ZSCAN4: variants seen among roughly 807,000 people sequenced by gnomAD.
ZSCAN4 encodes zinc finger and SCAN domain containing 4.
ZSCAN4 carries 18 observed loss-of-function variants against 18.3 expected under a neutral mutation model. The ratio of observed to expected loss-of-function variants is 0.98; its 90% CI spans 0.68 to 1.46. The LOEUF (loss-of-function observed/expected upper bound fraction) is 1.46. ZSCAN4 is among the 40% of genes most tolerant of loss of function. ZSCAN4 has a pLI of 0.00. For synonymous variants in ZSCAN4, 193 were observed against 180.3 expected, an observed-to-expected ratio of 1.07 and a Z score of -0.57; for missense variants, 498 against 511.4, an observed-to-expected ratio of 0.97 and a Z score of 0.25.
Position 57,676,540 on chromosome 19 carries a change from T to G in ZSCAN4, c.395T>G (p.Leu132Ter). ...GATGACAGCATAAATCCACCTGCCT[T>G]AGTGAGTACAGGGTTCTAACTTCTG... Residue 132 changes from leucine to a stop codon, truncating the protein, a stop_gained and splice_region_variant, in exon 3 of 5, where the codon TTA (leucine) becomes TGA (stop). Coordinates refer to ENST00000318203, the Ensembl canonical transcript of ZSCAN4. LOFTEE classifies it high-confidence loss of function. 1 of 1,611,658 alleles carries G rather than the reference T, an allele frequency of 6.2e-7. No individual in the cohort carries two copies.
chr19:57,658,136 C>T, the ZSCAN4 span, among the ~76,000 whole-genome samples: 1 of 152,084 alleles, frequency 6.6e-6, no homozygotes, highest in South Asian at 2.1e-4. Context: ...AACTGTGTTA[C>T]ATTTATAAAT....
intron 1 of ZSCAN4, among the ~76,000 whole-genome samples, chr19:57,669,615 T>TG (rs371847636): frequency 6.7e-6 from 1 of 150,186 alleles, no homozygotes; most frequent in Non-Finnish European, 1.5e-5. Context: ...TTAGTAGAGA[T>TG]GGGGTTTCAC....
intron 2 of ZSCAN4, among the ~76,000 whole-genome samples, chr19:57,670,795 C>G (rs1440408911): frequency 4.6e-5 from 7 of 151,824 alleles, no homozygotes; most frequent in Non-Finnish European, 5.9e-5. Context: ...GTTGTGAACT[C>G]TGTATAAAGG....
At position 57,673,321 on chromosome 19, in the gene ZSCAN4, C is replaced by T. The variant is rs1002844360; in HGVS notation, c.-105-2720C>T. Among the ~76,000 whole-genome samples, 10 of 151,942 alleles carry T rather than the reference C, an allele frequency of 6.6e-5. 1 individual carries two copies. On this transcript the variant is annotated intron_variant, in intron 2 of 4. Transcript: ENST00000318203. ...GGATTACAGGCGCGAGTCACCGTGC[C>T]CGGCCACATATTTATTTTATAAATG...
upstream of ZSCAN4, among the ~76,000 whole-genome samples, chr19:57,666,670 G>T (rs912083613): frequency 2.6e-5 from 4 of 151,438 alleles, no homozygotes; most frequent in African/African-American, 9.7e-5. Flanking sequence ...GATCACCTGA[G>T]ATCAGGAGTT....
intron 1 of ZSCAN4, among the ~76,000 whole-genome samples, chr19:57,669,434 GTT>G (rs760536736): frequency 1.3e-5 from 2 of 150,636 alleles, no homozygotes; most frequent in Non-Finnish European, 3.0e-5. Context: ...GTGTTTGTTT[GTT>G]TGTTGGTTTT....
upstream of ZSCAN4, among the ~76,000 whole-genome samples, chr19:57,666,757 C>A (rs529448318): frequency 1.1e-3 from 174 of 152,210 alleles, no homozygotes; most frequent in African/African-American, 4.2e-3. Context: ...GTGGCGCATG[C>A]CTTTAATCAC....
chr19:57,657,335 T>C, the ZSCAN4 span, among the ~76,000 whole-genome samples: 1 of 150,654 alleles, frequency 6.6e-6, no homozygotes, highest in East Asian at 1.9e-4. Context: ...CATTTTTCAC[T>C]AAAGATGATA....
chr19:57,658,659 C>G, the ZSCAN4 span, among the ~76,000 whole-genome samples: 1 of 151,664 alleles, frequency 6.6e-6, no homozygotes, highest in African/African-American at 2.4e-5. Context: ...CATGGCGAAA[C>G]CCCGTCCCTA....
At chr19:57,656,104 C>A in the ZSCAN4 span, among the ~76,000 whole-genome samples, 4 of 152,152 alleles carry the variant, frequency 2.6e-5, no homozygotes, top group Non-Finnish European at 5.9e-5. Flanking sequence ...ACCAAAGGGA[C>A]CTGCATAGTA....
the ZSCAN4 span, among the ~76,000 whole-genome samples, chr19:57,652,009 G>C: frequency 6.6e-6 from 1 of 152,082 alleles, no homozygotes; most frequent in African/African-American, 2.4e-5. Context: ...TCCTCAGAAT[G>C]CTCACTGCTC....
At chr19:57,662,497 C>T in the ZSCAN4 span, among the ~76,000 whole-genome samples, 11 of 152,006 alleles carry the variant, frequency 7.2e-5, no homozygotes, top group Admixed American at 2.0e-4. Context: ...ATATTAATGG[C>T]TTACTTATCC....
At chr19:57,652,536 C>G in the ZSCAN4 span, among the ~76,000 whole-genome samples, 1 of 152,090 alleles carries the variant, frequency 6.6e-6, no homozygotes, top group East Asian at 1.9e-4. Flanking sequence ...GTCGATGAAC[C>G]TCTGCCCTTG....
the ZSCAN4 span, among the ~76,000 whole-genome samples, chr19:57,660,991 T>C: frequency 6.6e-6 from 1 of 152,196 alleles, no homozygotes; most frequent in African/African-American, 2.4e-5. Context: ...AGCAACAGTG[T>C]TTGGACTTTA....
At chr19:57,659,538 A>G in the ZSCAN4 span, among the ~76,000 whole-genome samples, 4 of 152,190 alleles carry the variant, frequency 2.6e-5, no homozygotes, top group Non-Finnish European at 5.9e-5. Flanking sequence ...TGGTATTGCA[A>G]GTGGGAGCCG....
chr19:57,673,407 C>G (rs1337782436), intron 2 of ZSCAN4, among the ~76,000 whole-genome samples: 1 of 152,134 alleles, frequency 6.6e-6, no homozygotes, highest in Non-Finnish European at 1.5e-5. Context: ...GAGTGAGGAG[C>G]AGTCACTTGA....
Position 57,675,968 on chromosome 19 carries a change from C to T in ZSCAN4, c.-105-73C>T, listed in dbSNP as rs572441053. On this transcript the variant is annotated intron_variant, in intron 2 of 4. Coordinates refer to ENST00000318203, the Ensembl canonical transcript of ZSCAN4. The stretch of plus-strand genomic sequence containing the variant: ...AATTCATCCATAGAGCCATGTAGGC[C>T]TAACTTTTTGGTTGATTTGTCTTTA... 6.7e-6 allele frequency: 4 copies of T among 601,464 alleles called. No individual in the cohort carries two copies. The Admixed American group carries it at 9.5e-5, about 14-fold the overall frequency. The allele number at this position is 601,464 out of a possible 1,614,324, so 37.3% of individuals were successfully genotyped here.
At chr19:57,666,918 C>A (rs369244378), upstream of ZSCAN4, among the ~76,000 whole-genome samples, 13 of 122,266 alleles carry the variant, frequency 1.1e-4, 1 homozygote, top group Admixed American at 7.0e-4. Context: ...TATTATTATT[C>A]TAATTGAAAT....
chr19:57,652,713 C>T, the ZSCAN4 span, among the ~76,000 whole-genome samples: 1,067 of 152,310 alleles, frequency 7.0e-3, 11 homozygotes, highest in African/African-American at 0.024. Flanking sequence ...ATCCAAAACC[C>T]TTTCAGAGTC....
Sources: gnomAD v4.1 joint callset for allele counts (sites outside exome capture counted in the v4.1 genomes callset) on GRCh38, gnomAD v4.1.1 for gene constraint, MANE v1.5 for transcripts, NCBI Gene and HGNC (gene_info 2026-07-23, HGNC 2026-07-21) for gene names.